PTGR2: variants seen among roughly 807,000 people sequenced by gnomAD.
PTGR2 encodes prostaglandin reductase 2, also known as 15-oxoprostaglandin 13-reductase.
PTGR2 carries 32 observed loss-of-function variants against 43.4 expected under a neutral mutation model. The ratio of observed to expected loss-of-function variants is 0.74; its 90% CI spans 0.56 to 0.99. PTGR2 has a LOEUF of 0.99. PTGR2 is among the 50% of genes least tolerant of loss of function. The pLI is 0.00. For missense variants in PTGR2, 373 were observed against 420.0 expected (o/e 0.89, Z 0.98); for synonymous variants, 106 against 139.2 (o/e 0.76, Z 1.68).
intron 7 of PTGR2, 152 bp from the exon 8 acceptor site, chr14:73,881,053 T>G: frequency 2.0e-6 from 1 of 512,594 alleles, no homozygotes; most frequent in Non-Finnish European, 3.6e-6. Context: ...CATTTACACC[T>G]GTAACTATGC....
At chr14:73,857,237 C>T (rs1346571957) in intron 1 of PTGR2, among the ~76,000 whole-genome samples, 1 of 109,518 alleles carries the variant, frequency 9.1e-6, no homozygotes, top group African/African-American at 3.1e-5. Flanking sequence ...AAGGAATTTC[C>T]GTTTTTTTTT....
intron 3 of PTGR2, among the ~76,000 whole-genome samples, chr14:73,866,014 T>G (rs1325882574): frequency 1.3e-5 from 2 of 152,078 alleles, no homozygotes; most frequent in African/African-American, 4.8e-5. Context: ...TTTCTTTTTT[T>G]TTTTTTGAGA....
chr14:73,867,021 G>A (rs995774740), intron 3 of PTGR2, among the ~76,000 whole-genome samples: 4 of 149,148 alleles, frequency 2.7e-5, no homozygotes, highest in Non-Finnish European at 4.4e-5. Context: ...CCCGGGAGGC[G>A]GAGATTGCAG....
Position 73,884,410 on chromosome 14 carries a change from G to C in PTGR2, c.*233G>C, listed in dbSNP as rs1159836518. On this transcript the variant is annotated 3_prime_UTR_variant, in exon 10 of 10. Coordinates refer to ENST00000555661, the MANE Select transcript of PTGR2 (RefSeq NM_001146154.2). Reference sequence around the variant, plus strand: ...TTTATTAATTTAAAATAGAACGCTTGAGAGGCACTTTGTAAAGATTTGTTA... The same window carrying C: ...TTTATTAATTTAAAATAGAACGCTTCAGAGGCACTTTGTAAAGATTTGTTA... 3.3e-6 allele frequency: 1 copy of C among 298,984 alleles called. No individual in the cohort carries two copies. The highest frequency in any genetic ancestry group is 6.8e-5 in the East Asian group (1 of 14,652). 18.5% of individuals were successfully genotyped at this position (298,984 alleles called of 1,614,324 possible). A position where few individuals can be genotyped will look rare whatever the true frequency, so the allele number is the denominator to read the frequency against.
intron 9 of PTGR2, among the ~76,000 whole-genome samples, chr14:73,882,800 C>CTTTTTTTT (rs35651032): frequency 1.4e-4 from 6 of 41,826 alleles, no homozygotes; most frequent in Admixed American, 3.8e-4. Flanking sequence ...ACGCCTGGCC[C>CTTTTTTTT]TTTTTTTTTT....
chr14:73,855,060 G>A (rs2054313284), intron 1 of PTGR2, among the ~76,000 whole-genome samples: 1 of 152,114 alleles, frequency 6.6e-6, no homozygotes, highest in Non-Finnish European at 1.5e-5. Context: ...CAAATCAAGG[G>A]CATGAAATAA....
In PTGR2 at chr14:73,879,237, T is replaced by C. The variant is rs925834696; in HGVS notation, c.661T>C (p.Cys221Arg). 1 of 1,614,058 alleles carries C rather than the reference T, an allele frequency of 6.2e-7. No homozygotes were observed. Among genetic ancestry groups the C allele is most frequent in the African/African-American group, 1.3e-5 (1 of 74,934 alleles). Residue 221 changes from cysteine (C) to arginine (R), a missense_variant, in exon 6 of 10, where the codon TGC (cysteine) becomes CGC (arginine). Coordinates refer to ENST00000555661, the MANE Select transcript of PTGR2 (RefSeq NM_001146154.2). ...TGTGGCAGAACAGCTCCGTGAATCA[T>C]GCCCAGCTGGAGTGGATGTTTATTT... ...DNVAEQLRES[C>R]PAGVDVYFDN...
chr14:73,870,193 C>CTTTTTT (rs34746463), intron 3 of PTGR2, among the ~76,000 whole-genome samples: 1 of 127,604 alleles, frequency 7.8e-6, no homozygotes, highest in African/African-American at 2.9e-5. Flanking sequence ...CTTAAGCAAC[C>CTTTTTT]TTTTTTTTTT....
At position 73,885,010 on chromosome 14, in the gene PTGR2, C is replaced by G. The variant is rs1237051340; in HGVS notation, c.*833C>G. Reference sequence around the variant, plus strand: ...TGTAGGTGATTAAAAAGATTGACAGCCGGGCCTGATGTCTCAAGCCTGTAA... The same window carrying G: ...TGTAGGTGATTAAAAAGATTGACAGGCGGGCCTGATGTCTCAAGCCTGTAA... On this transcript the variant is annotated 3_prime_UTR_variant, in exon 10 of 10. Transcript: ENST00000555661. The G allele has an allele frequency of 1.3e-5, 2 of 152,170 alleles. No individual in the cohort carries two copies. The highest frequency in any genetic ancestry group is 6.6e-5 in the Admixed American group (1 of 15,260). 9.4% of individuals were successfully genotyped at this position (152,170 alleles called of 1,614,324 possible). A position where few individuals can be genotyped will look rare whatever the true frequency, so the allele number is the denominator to read the frequency against.
intron 5 of PTGR2, chr14:73,878,365 A>C (rs1395826674): frequency 6.7e-6 from 1 of 149,898 alleles, no homozygotes; most frequent in Non-Finnish European, 1.5e-5. Context: ...TTTAATTATT[A>C]TTCTTTGATT....
chr14:73,878,075 GT>G (rs1465599810), intron 5 of PTGR2: 5 of 152,220 alleles, frequency 3.3e-5, no homozygotes, highest in African/African-American at 9.7e-5. Flanking sequence ...CAGCCCAGGA[GT>G]TTGAAGTTAC....
chr14:73,860,248 G>A (rs2054457219), intron 2 of PTGR2, among the ~76,000 whole-genome samples: 1 of 151,924 alleles, frequency 6.6e-6, no homozygotes, highest in Non-Finnish European at 1.5e-5. Context: ...TGGGCAGATC[G>A]TGAGGTCAGG....
At chr14:73,860,513 C>T in intron 2 of PTGR2, 26 bp from the exon 3 acceptor site, 2 of 1,194,264 alleles carry the variant, frequency 1.7e-6, no homozygotes, top group Non-Finnish European at 2.4e-6. Context: ...CTTTTTTTAA[C>T]TTTATATTTT....
intron 9 of PTGR2, among the ~76,000 whole-genome samples, chr14:73,883,336 C>T (rs2055045944): frequency 1.3e-5 from 2 of 148,488 alleles, no homozygotes; most frequent in Non-Finnish European, 3.0e-5. Context: ...GCTGGTACTA[C>T]AATTACCTGC....
At chr14:73,881,833 T>C (rs2054997395) in intron 8 of PTGR2, among the ~76,000 whole-genome samples, 1 of 134,126 alleles carries the variant, frequency 7.5e-6, no homozygotes, top group South Asian at 2.4e-4. Context: ...ACCCAGGCTG[T>C]AGTGCAGTGG....
intron 9 of PTGR2, among the ~76,000 whole-genome samples, chr14:73,882,942 T>C (rs569748350): frequency 5.4e-5 from 8 of 149,086 alleles, no homozygotes; most frequent in African/African-American, 2.0e-4. Context: ...TGCCTCAGTC[T>C]ACCAAGTAGC....
chr14:73,879,331 T>G (rs1303274250), intron 6 of PTGR2, 26 bp downstream of exon 6: 2 of 1,587,902 alleles, frequency 1.3e-6, no homozygotes, highest in Non-Finnish European at 1.7e-6. Flanking sequence ...CTATAACAAA[T>G]TTGAATACTG....
intron 3 of PTGR2, among the ~76,000 whole-genome samples, chr14:73,863,840 T>C (rs1473940079): frequency 2.0e-5 from 3 of 152,230 alleles, no homozygotes; most frequent in Non-Finnish European, 2.9e-5. Context: ...GGTCTCAAGC[T>C]CCTGACCTCA....
chr14:73,863,125 A>G (rs2054531612), intron 3 of PTGR2, among the ~76,000 whole-genome samples: 1 of 152,198 alleles, frequency 6.6e-6, no homozygotes, highest in Non-Finnish European at 1.5e-5. Flanking sequence ...CTGTCATTAC[A>G]ATCAGTTTTA....
Sources: allele counts gnomAD v4.1 joint callset (sites outside exome capture counted in the v4.1 genomes callset), GRCh38; gene constraint gnomAD v4.1.1; transcripts MANE v1.5; gene names NCBI Gene and HGNC (gene_info 2026-07-23, HGNC 2026-07-21).